TSPAN15: variants seen among roughly 807,000 people sequenced by gnomAD.
TSPAN15 encodes the protein tetraspanin 15.
A neutral mutation model predicts 34.5 loss-of-function variants in TSPAN15; 20 were observed. That is an observed-to-expected ratio of 0.58 (90% CI 0.41 to 0.84). The LOEUF (loss-of-function observed/expected upper bound fraction) is 0.84, where lower values mean the gene tolerates loss of function less well. TSPAN15 is among the 40% of genes least tolerant of loss of function. The probability of loss-of-function intolerance (pLI) is 0.00; values close to 1 mark genes in which losing one functional copy is unlikely to be tolerated. For synonymous variants in TSPAN15, 155 were observed against 153.9 expected (o/e 1.01, Z -0.05); for missense variants, 313 against 386.1 (o/e 0.81, Z 1.59).
At chr10:69,489,214 G>C (rs908071374) in intron 3 of TSPAN15, among the ~76,000 whole-genome samples, 1 of 152,198 alleles carries the variant, frequency 6.6e-6, no homozygotes, top group Admixed American at 6.5e-5. Flanking sequence ...TAGGCTGTCT[G>C]CAAGAAGAAA....
the TSPAN15 span, among the ~76,000 whole-genome samples, chr10:69,518,365 C>G: frequency 1.3e-4 from 20 of 151,820 alleles, no homozygotes; most frequent in Admixed American, 8.5e-4. Context: ...CCAACACCCC[C>G]GCCACCCCAG....
chr10:69,521,743 T>TA, the TSPAN15 span, among the ~76,000 whole-genome samples: 2 of 147,742 alleles, frequency 1.4e-5, no homozygotes, highest in Admixed American at 1.4e-4. Context: ...GAGCAGGACT[T>TA]ACAACATTAG....
Position 69,451,576 on chromosome 10 carries a change from C to G in TSPAN15, c.-19C>G, listed in dbSNP as rs755688930. On this transcript the variant is annotated 5_prime_UTR_variant, in exon 1 of 8. Coordinates refer to ENST00000373290, the MANE Select transcript of TSPAN15 (RefSeq NM_012339.5). ...GGAGAGCCCCGGAGCCCCCGTAACC[C>G]GCGCGGGGAGCGCCCAGGATGCCGC... The G allele has an allele frequency of 1.4e-6, 2 of 1,441,096 alleles. No homozygotes were observed. Among genetic ancestry groups the G allele is most frequent in the East Asian group, 2.8e-5 (1 of 35,538 alleles). The allele number at this position is 1,441,096 out of a possible 1,614,324, so 89.3% of individuals were successfully genotyped here.
At chr10:69,528,394 G>A in the TSPAN15 span, among the ~76,000 whole-genome samples, 7,486 of 148,322 alleles carry the variant, frequency 0.05, 940 homozygotes, top group South Asian at 0.12. Context: ...TCTCCTCTTC[G>A]CCCACAACAT....
At chr10:69,512,436 T>C (rs1486174172), downstream of TSPAN15, among the ~76,000 whole-genome samples, 1 of 152,238 alleles carries the variant, frequency 6.6e-6, no homozygotes, top group Non-Finnish European at 1.5e-5. Flanking sequence ...TTTTTAACAA[T>C]TTATGGAGGT....
intron 1 of TSPAN15, among the ~76,000 whole-genome samples, chr10:69,451,992 G>A (rs577314976): frequency 9.8e-5 from 15 of 152,384 alleles, no homozygotes; most frequent in African/African-American, 3.6e-4. Context: ...AGGCTGAGGT[G>A]AACGCGCTGG....
rs551468900 is a variant in TSPAN15, at chr10:69,486,297, G to A, written c.357+1082G>A. On this transcript the variant is annotated intron_variant, in intron 3 of 7. Transcript: ENST00000373290. ...AGGTGGGGCTTGAGGAGCAGGACAT[G>A]TTTGCAGAAGCCCCATTCTCTGTGT... Among the ~76,000 whole-genome samples the A allele has an allele frequency of 1.4e-4, 22 of 152,300 alleles. No homozygotes were observed. The South Asian group carries it at 3.9e-3, about 27-fold the overall frequency.
At chr10:69,457,430 A>G (rs1841137599) in intron 1 of TSPAN15, among the ~76,000 whole-genome samples, 1 of 152,162 alleles carries the variant, frequency 6.6e-6, no homozygotes. Flanking sequence ...CTCTCCACAG[A>G]GCACCAAGCC....
intron 1 of TSPAN15, among the ~76,000 whole-genome samples, chr10:69,464,190 A>G (rs1378367635): frequency 6.6e-6 from 1 of 152,274 alleles, no homozygotes; most frequent in Non-Finnish European, 1.5e-5. Flanking sequence ...TCTGGCCTCC[A>G]GAACTGTGAG....
chr10:69,506,803 T>A lies in TSPAN15; in HGVS notation c.736-26T>A. 1 of 1,556,624 alleles carries A rather than the reference T, an allele frequency of 6.4e-7. No individual in the cohort carries two copies. Among genetic ancestry groups the A allele is most frequent in the Non-Finnish European group, 8.7e-7 (1 of 1,149,462 alleles). ...GGCTGCCCTGATTCCCAGCAGGCCC[T>A]CACCAGCCCTGCCCCTTCTTCTCAG... On this transcript the variant is annotated intron_variant, in intron 7 of 7. Transcript: ENST00000373290. This position sits in a 1 kb window ranked among gnomAD's most constrained non-coding sequence, Gnocchi z 4.7.
chr10:69,504,373 G>A, intron 5 of TSPAN15, 65 bp from the exon 6 acceptor site: 1 of 1,493,442 alleles, frequency 6.7e-7, no homozygotes, highest in Non-Finnish European at 9.3e-7. Flanking sequence ...AAAATGGGTA[G>A]GATAATAGTG....
rs1554830597 is a variant in TSPAN15, at chr10:69,455,632, C to CCG, written c.96+3943_96+3944insGC. Among the ~76,000 whole-genome samples, 260 of 136,572 alleles carry CCG rather than the reference C, an allele frequency of 1.9e-3. 8 individuals carry two copies. The highest frequency in any genetic ancestry group is 7.0e-3 in the African/African-American group (249 of 35,360). The allele number at this position is 136,572 out of a possible 152,430, so 89.6% of individuals were successfully genotyped here. A position where few individuals can be genotyped will look rare whatever the true frequency, so the allele number is the denominator to read the frequency against. Reference sequence around the variant, plus strand: ...TCTCTCTCTCTCTCTCTCTCCCCCCCCCGTCTCTTTCTTTCTTCCTTTCTT... The same window carrying CCG: ...TCTCTCTCTCTCTCTCTCTCCCCCCCCGCCGTCTCTTTCTTTCTTCCTTTCTT... On this transcript the variant is annotated intron_variant, in intron 1 of 7. Coordinates refer to ENST00000373290, the MANE Select transcript of TSPAN15 (RefSeq NM_012339.5).
At chr10:69,484,910 G>T (rs1391782618) in intron 2 of TSPAN15, among the ~76,000 whole-genome samples, 2 of 152,158 alleles carry the variant, frequency 1.3e-5, no homozygotes, top group Non-Finnish European at 2.9e-5. Flanking sequence ...ATTTGGCTGG[G>T]ACAGCTGAGT....
At chr10:69,531,944 A>AC in the TSPAN15 span, among the ~76,000 whole-genome samples, 338 of 128,188 alleles carry the variant, frequency 2.6e-3, 2 homozygotes, top group African/African-American at 8.3e-3. Context: ...ACAAAACAAA[A>AC]AAAAAACAAA....
At chr10:69,462,155 G>GTTTTTTTTTTTTTTTTTTTTTTTTTT (rs755068937) in intron 1 of TSPAN15, among the ~76,000 whole-genome samples, 1 of 82,704 alleles carries the variant, frequency 1.2e-5, no homozygotes, top group African/African-American at 4.5e-5. Flanking sequence ...TAATTTTAAA[G>GTTTTTTTTTTTTTTTTTTTTTTTTTT]TTTTTTTTTT....
chr10:69,526,881 A>G, the TSPAN15 span, among the ~76,000 whole-genome samples: 1 of 147,706 alleles, frequency 6.8e-6, no homozygotes, highest in Non-Finnish European at 1.5e-5. Context: ...TTGGGAATGT[A>G]AAATAGTGCA....
the TSPAN15 span, among the ~76,000 whole-genome samples, chr10:69,543,883 G>A: frequency 8.5e-4 from 125 of 146,204 alleles, no homozygotes; most frequent in African/African-American, 3.0e-3. Flanking sequence ...GTGTGTGTGT[G>A]TGTGTGTGTG....
the TSPAN15 span, among the ~76,000 whole-genome samples, chr10:69,549,270 T>A: frequency 6.6e-6 from 1 of 152,216 alleles, no homozygotes; most frequent in Non-Finnish European, 1.5e-5. Context: ...TTATCATACA[T>A]GTTGCCCAGA....
At chr10:69,538,224 G>A in the TSPAN15 span, among the ~76,000 whole-genome samples, 2 of 152,210 alleles carry the variant, frequency 1.3e-5, no homozygotes, top group Non-Finnish European at 2.9e-5. Flanking sequence ...TAACAGGAAT[G>A]GATTTGAAAG....
Sources: gnomAD v4.1 joint callset for allele counts (sites outside exome capture counted in the v4.1 genomes callset) on GRCh38, gnomAD v4.1.1 for gene constraint, Gnocchi (gnomAD v3.1) non-coding constraint, MANE v1.5 for transcripts, NCBI Gene and HGNC (gene_info 2026-07-23, HGNC 2026-07-21) for gene names.